The following NALF1 variants were observed in gnomAD, a reference collection of about 807,000 sequenced individuals.
NALF1 encodes family with sequence similarity 155 member A.
Under a neutral mutation model 48.4 loss-of-function variants are expected in NALF1, and 3 were observed. The ratio of observed to expected loss-of-function variants is 0.06; its 90% CI spans 0.03 to 0.16. The LOEUF (loss-of-function observed/expected upper bound fraction) is 0.16. Among genes scored for constraint, NALF1 ranks in the 10% least tolerant of loss-of-function variants. The probability of loss-of-function intolerance (pLI) is 1.00; values close to 1 mark genes in which losing one functional copy is unlikely to be tolerated. For missense variants in NALF1, 526 were observed against 571.5 expected (o/e 0.92, Z 0.81); for synonymous variants, 262 against 245.7 (o/e 1.07, Z -0.62).
chr13:107,409,263 A>T (rs182560477), intron 1 of NALF1, among the ~76,000 whole-genome samples: 1 of 152,320 alleles, frequency 6.6e-6, no homozygotes, highest in Non-Finnish European at 1.5e-5. Context: ...ACCAGGCTCT[A>T]TGCTAGATGT....
chr13:107,194,312 C>G (rs1299453619), intron 2 of NALF1, among the ~76,000 whole-genome samples: 1 of 152,014 alleles, frequency 6.6e-6, no homozygotes, highest in Non-Finnish European at 1.5e-5. Context: ...ATCATATTAC[C>G]CAACTTCAAA....
At chr13:107,249,805 T>G (rs1199933332) in intron 1 of NALF1, among the ~76,000 whole-genome samples, 1 of 152,170 alleles carries the variant, frequency 6.6e-6, no homozygotes, top group Non-Finnish European at 1.5e-5. Context: ...TTTGGAATGG[T>G]GTTTGTTAAT....
intron 1 of NALF1, among the ~76,000 whole-genome samples, chr13:107,533,685 T>A (rs1244029616): frequency 6.6e-6 from 1 of 152,158 alleles, no homozygotes; most frequent in Non-Finnish European, 1.5e-5. Flanking sequence ...TGAGGAAGTA[T>A]TCCAAAGGCC....
chr13:107,271,273 C>G (rs1297506024), intron 1 of NALF1, among the ~76,000 whole-genome samples: 1 of 151,922 alleles, frequency 6.6e-6, no homozygotes, highest in African/African-American at 2.4e-5. Flanking sequence ...TAATCGCACT[C>G]CAGTTTCAAC....
chr13:107,428,336 A>T, intron 1 of NALF1, among the ~76,000 whole-genome samples: 1 of 152,226 alleles, frequency 6.6e-6, no homozygotes, highest in East Asian at 1.9e-4. Flanking sequence ...CAACTTAACC[A>T]GGACTGGAAG....
chr13:107,455,410 G>A (rs1275623610), intron 1 of NALF1, among the ~76,000 whole-genome samples: 2 of 152,026 alleles, frequency 1.3e-5, no homozygotes, highest in African/African-American at 2.4e-5. Context: ...CAGCAAAATT[G>A]AGTGGAAAGC....
intron 1 of NALF1, among the ~76,000 whole-genome samples, chr13:107,639,189 T>A (rs1025484138): frequency 2.6e-5 from 4 of 152,186 alleles, no homozygotes; most frequent in African/African-American, 9.6e-5. Context: ...TAATCCATCC[T>A]CCATGGCAGC....
rs183592987 is a variant in NALF1, at chr13:107,825,190, T to C, written c.915+40492A>G. Among the ~76,000 whole-genome samples the C allele has an allele frequency of 2.8e-3, 425 of 152,360 alleles. 2 individuals carry two copies. The highest frequency in any genetic ancestry group is 9.9e-3 in the African/African-American group (410 of 41,598). On this transcript the variant is annotated intron_variant, in intron 1 of 2. Coordinates refer to ENST00000375915, the MANE Select transcript of NALF1 (RefSeq NM_001080396.3). ...ACTAACAAGCTTTGGCTTTGTTTTTTTTATGTGATAGGTGATCTAAAATCT... is the reference window on the plus strand; with the variant it reads ...ACTAACAAGCTTTGGCTTTGTTTTTCTTATGTGATAGGTGATCTAAAATCT...
chr13:107,599,202 C>T (rs1002338021), intron 1 of NALF1, among the ~76,000 whole-genome samples: 15 of 151,974 alleles, frequency 9.9e-5, no homozygotes, highest in African/African-American at 3.1e-4. Flanking sequence ...GGGCAGATCA[C>T]GAGGTCAGGA....
chr13:107,455,124 G>A (rs1442328093), intron 1 of NALF1, among the ~76,000 whole-genome samples: 2 of 151,916 alleles, frequency 1.3e-5, no homozygotes, highest in African/African-American at 2.4e-5. Flanking sequence ...CCCTTTACTC[G>A]CATATCTCTC....
At chr13:107,826,304 CGTGTGTGTGT>C (rs59010695) in intron 1 of NALF1, among the ~76,000 whole-genome samples, 5 of 150,518 alleles carry the variant, frequency 3.3e-5, no homozygotes, top group Non-Finnish European at 5.9e-5. Flanking sequence ...TGCATGTGCA[CGTGTGTGTGT>C]GTGTGTGTGT....
At chr13:107,764,151 A>C (rs1877355667) in intron 1 of NALF1, among the ~76,000 whole-genome samples, 1 of 152,172 alleles carries the variant, frequency 6.6e-6, no homozygotes, top group Non-Finnish European at 1.5e-5. Context: ...AAGAGGAAAT[A>C]AAAAGGCAAC....
intron 1 of NALF1, among the ~76,000 whole-genome samples, chr13:107,783,985 A>G (rs1021236996): frequency 4.6e-5 from 7 of 151,958 alleles, no homozygotes; most frequent in African/African-American, 1.7e-4. Context: ...AGGCAGTAGG[A>G]TTACTATGTG....
At chr13:107,594,273 C>A (rs999211046) in intron 1 of NALF1, among the ~76,000 whole-genome samples, 1 of 152,048 alleles carries the variant, frequency 6.6e-6, no homozygotes, top group Non-Finnish European at 1.5e-5. Flanking sequence ...TTAACACTCT[C>A]TCCTTTACCT....
intron 1 of NALF1, among the ~76,000 whole-genome samples, chr13:107,702,112 T>C (rs973193984): frequency 6.6e-6 from 1 of 152,212 alleles, no homozygotes. Flanking sequence ...GCTATACATA[T>C]ATGGAATTGT....
At chr13:107,571,676 A>G (rs1201568005) in intron 1 of NALF1, among the ~76,000 whole-genome samples, 4 of 152,310 alleles carry the variant, frequency 2.6e-5, no homozygotes, top group Admixed American at 6.5e-5. Context: ...ACAGGTGACA[A>G]CTTCGGACTT....
chr13:107,216,159 C>A (rs182891662), intron 1 of NALF1, among the ~76,000 whole-genome samples: 34 of 152,354 alleles, frequency 2.2e-4, no homozygotes, highest in Middle Eastern at 3.4e-3. Context: ...CCAGCTCTAA[C>A]CCCGCTAGCG....
intron 1 of NALF1, among the ~76,000 whole-genome samples, chr13:107,240,872 T>A (rs562311510): frequency 6.6e-6 from 1 of 151,964 alleles, no homozygotes; most frequent in Admixed American, 6.6e-5. Context: ...GTATTTTAAG[T>A]ACAAGAACTA....
intron 2 of NALF1, among the ~76,000 whole-genome samples, chr13:107,189,885 C>T (rs550990206): frequency 5.6e-4 from 85 of 152,264 alleles, no homozygotes; most frequent in African/African-American, 2.0e-3. Context: ...GTAAACAAGT[C>T]GGATCTCTCA....
Sources: allele counts gnomAD v4.1 joint callset (sites outside exome capture counted in the v4.1 genomes callset), GRCh38; gene constraint gnomAD v4.1.1; transcripts MANE v1.5; gene names NCBI Gene and HGNC (gene_info 2026-07-23, HGNC 2026-07-21).